Variants in SMURF2 observed in about 807,000 individuals in gnomAD.
SMURF2 encodes SMAD specific E3 ubiquitin protein ligase 2.
A neutral mutation model predicts 109.6 loss-of-function variants in SMURF2; 48 were observed. That is an observed-to-expected ratio of 0.44 (90% CI 0.35 to 0.56). The LOEUF (loss-of-function observed/expected upper bound fraction) is 0.56. SMURF2 is among the 20% of genes least tolerant of loss of function. The probability of loss-of-function intolerance (pLI) is 0.01; values close to 1 mark genes in which losing one functional copy is unlikely to be tolerated. For missense variants in SMURF2, 575 were observed against 909.0 expected, an observed-to-expected ratio of 0.63 and a Z score of 4.72; for synonymous variants, 288 against 317.1, an observed-to-expected ratio of 0.91 and a Z score of 0.97.
At chr17:64,660,211 C>T (rs373661180) in intron 1 of SMURF2, among the ~76,000 whole-genome samples, 1 of 152,140 alleles carries the variant, frequency 6.6e-6, no homozygotes, top group East Asian at 1.9e-4. Context: ...ATTTTCTCTA[C>T]ATAGCCCAGA....
At chr17:64,592,644 C>T (rs1969765994) in intron 4 of SMURF2, among the ~76,000 whole-genome samples, 1 of 152,080 alleles carries the variant, frequency 6.6e-6, no homozygotes, top group Admixed American at 6.5e-5. Flanking sequence ...ATGACGATGA[C>T]TAACGGTATT....
intron 1 of SMURF2, among the ~76,000 whole-genome samples, chr17:64,641,019 C>T (rs1029019441): frequency 6.6e-6 from 1 of 151,208 alleles, no homozygotes; most frequent in Non-Finnish European, 1.5e-5. Flanking sequence ...AATATTTTTT[C>T]AATACAAAAA....
chr17:64,559,606 C>CA (rs1309295579), intron 12 of SMURF2, among the ~76,000 whole-genome samples: 2 of 149,958 alleles, frequency 1.3e-5, no homozygotes, highest in Admixed American at 6.6e-5. Flanking sequence ...ACAACAACAA[C>CA]AAAAAAAACT....
chr17:64,602,315 A>G (rs1969909213), intron 2 of SMURF2, among the ~76,000 whole-genome samples: 1 of 152,106 alleles, frequency 6.6e-6, no homozygotes, highest in South Asian at 2.1e-4. Flanking sequence ...TTCCCCCAAA[A>G]CTTATTGAAA....
At chr17:64,651,444 C>T (rs1441226420) in intron 1 of SMURF2, among the ~76,000 whole-genome samples, 2 of 148,962 alleles carry the variant, frequency 1.3e-5, no homozygotes, top group Non-Finnish European at 1.5e-5. Flanking sequence ...TGGTGGCGCG[C>T]GCCTGTAGTC....
chr17:64,651,614 A>T (rs563851372), intron 1 of SMURF2, among the ~76,000 whole-genome samples: 9 of 151,818 alleles, frequency 5.9e-5, no homozygotes, highest in Admixed American at 1.3e-4. Context: ...AAAAATATAC[A>T]CATAAAATAA....
At chr17:64,545,987 A>G in intron 18 of SMURF2, 40 bp from the exon 19 acceptor site, 1 of 1,324,574 alleles carries the variant, frequency 7.5e-7, no homozygotes, top group South Asian at 1.2e-5. Context: ...GTTCATTCAA[A>G]ATAAGTAAAC....
intron 17 of SMURF2, among the ~76,000 whole-genome samples, chr17:64,546,808 A>T (rs1186102301): frequency 6.6e-6 from 1 of 152,252 alleles, no homozygotes; most frequent in African/African-American, 2.4e-5. Context: ...ATGTAGCAGA[A>T]ATACAACTTC....
chr17:64,623,533 T>C (rs1378147584), intron 1 of SMURF2, among the ~76,000 whole-genome samples: 1 of 152,226 alleles, frequency 6.6e-6, no homozygotes, highest in Non-Finnish European at 1.5e-5. Flanking sequence ...AAGCTTCCTT[T>C]TTCCACTGCT....
At chr17:64,551,088 G>T (rs1375942733) in intron 16 of SMURF2, among the ~76,000 whole-genome samples, 1 of 152,138 alleles carries the variant, frequency 6.6e-6, no homozygotes, top group African/African-American at 2.4e-5. Context: ...AGCTGGGCAT[G>T]GTGGCTCAAG....
At chr17:64,597,858 C>T (rs190754224) in intron 3 of SMURF2, among the ~76,000 whole-genome samples, 8 of 151,532 alleles carry the variant, frequency 5.3e-5, no homozygotes, top group Admixed American at 5.2e-4. Flanking sequence ...ATGAAAATAC[C>T]AGAATAAACA....
At chr17:64,610,818 A>C (rs1970033956) in intron 1 of SMURF2, among the ~76,000 whole-genome samples, 1 of 152,142 alleles carries the variant, frequency 6.6e-6, no homozygotes, top group Admixed American at 6.5e-5. Flanking sequence ...CCTCCCACTA[A>C]TGCCCTGATC....
At chr17:64,590,689 T>G (rs1969738767) in intron 5 of SMURF2, among the ~76,000 whole-genome samples, 1 of 152,172 alleles carries the variant, frequency 6.6e-6, no homozygotes, top group East Asian at 1.9e-4. Flanking sequence ...TTTTTCTCAA[T>G]TAGCATAGAT....
intron 10 of SMURF2, among the ~76,000 whole-genome samples, chr17:64,567,074 T>A (rs1969325103): frequency 6.7e-6 from 1 of 150,372 alleles, no homozygotes; most frequent in South Asian, 2.1e-4. Flanking sequence ...GCCAGGCTGA[T>A]CTCCAACTCC....
chr17:64,613,148 T>C (rs1555689709), intron 1 of SMURF2, among the ~76,000 whole-genome samples: 1 of 152,216 alleles, frequency 6.6e-6, no homozygotes, highest in African/African-American at 2.4e-5. Flanking sequence ...TACTGCACTG[T>C]TCTTTTTTCT....
At chr17:64,631,265 GGAGAGAGGGGGGGGGGGAGAGAGAGA>G (rs1970336131) in intron 1 of SMURF2, among the ~76,000 whole-genome samples, 1 of 8,810 alleles carries the variant, frequency 1.1e-4, no homozygotes. Flanking sequence ...GAGGTGGGGG[GGAGAGAGGGGGGGGGGGAGAGAGAGA>G]GAGAGAGAGA....
chr17:64,632,786 C>T (rs538041487), intron 1 of SMURF2, among the ~76,000 whole-genome samples: 16 of 152,302 alleles, frequency 1.1e-4, no homozygotes, highest in East Asian at 3.9e-4. Context: ...CAGCTTCCCA[C>T]GCTTAAGAGA....
intron 5 of SMURF2, among the ~76,000 whole-genome samples, chr17:64,589,373 T>C (rs77088715): frequency 8.6e-5 from 13 of 151,918 alleles, no homozygotes; most frequent in African/African-American, 3.1e-4. Context: ...AAGTGTTGTA[T>C]GACTGAATTT....
rs1555683290 is a variant in SMURF2 at position 64,547,828 on chromosome 17, C to A, written c.1870-27G>T. ...TGTGAAAATAGTACACAGTAATGAA[C>A]CTGTGGAAACCACAGCCAGACCAAA... On this transcript the variant is annotated intron_variant, in intron 16 of 18. Coordinates refer to ENST00000262435, the MANE Select transcript of SMURF2 (RefSeq NM_022739.4). The surrounding 1 kb of genome is among the most constrained non-coding windows in gnomAD (Gnocchi z 4.2). 6.2e-7 allele frequency: 1 copy of A among 1,607,894 alleles called. No individual in the cohort carries two copies. The highest frequency in any genetic ancestry group is 1.7e-5 in the Admixed American group (1 of 59,916).
Sources: allele counts gnomAD v4.1 joint callset (sites outside exome capture counted in the v4.1 genomes callset), GRCh38; gene constraint gnomAD v4.1.1; non-coding constraint Gnocchi (gnomAD v3.1); transcripts MANE v1.5; gene names NCBI Gene and HGNC (gene_info 2026-07-23, HGNC 2026-07-21).